Variants in PTGR1 observed in about 807,000 individuals in gnomAD.
PTGR1 encodes the protein prostaglandin reductase 1.
Under a neutral mutation model 37.7 loss-of-function variants are expected in PTGR1, and 23 were observed. The ratio of observed to expected loss-of-function variants is 0.61; its 90% CI spans 0.44 to 0.86. The LOEUF (loss-of-function observed/expected upper bound fraction) is 0.86, where lower values mean the gene tolerates loss of function less well. PTGR1 is among the 40% of genes least tolerant of loss of function. The pLI, the probability that PTGR1 is intolerant of heterozygous loss-of-function variation, is 0.00. For synonymous variants in PTGR1, 134 were observed against 140.0 expected, an observed-to-expected ratio of 0.96 and a Z score of 0.30; for missense variants, 351 against 394.3, an observed-to-expected ratio of 0.89 and a Z score of 0.93.
At chr9:111,585,105 C>A (rs186359971) in intron 5 of PTGR1, among the ~76,000 whole-genome samples, 84 of 152,134 alleles carry the variant, frequency 5.5e-4, no homozygotes, top group African/African-American at 2.0e-3. Context: ...CAGCCTCTGA[C>A]TATATTTGGG....
intron 4 of PTGR1, among the ~76,000 whole-genome samples, chr9:111,590,601 C>G (rs1255945162): frequency 6.6e-6 from 1 of 152,200 alleles, no homozygotes; most frequent in Non-Finnish European, 1.5e-5. Flanking sequence ...TCAAGTGATC[C>G]TCCTGCTTCA....
In PTGR1 at chr9:111,583,648, T is replaced by TTA. The variant is rs1485666089; in HGVS notation, c.378-61_378-60dup. The TTA allele has an allele frequency of 7.3e-6, 10 of 1,372,160 alleles. No homozygotes were observed. The East Asian group carries it at 2.1e-4, about 28-fold the overall frequency. 85.0% of individuals were successfully genotyped at this position (1,372,160 alleles called of 1,614,324 possible). On this transcript the variant is annotated intron_variant, in intron 5 of 9. Coordinates refer to ENST00000407693, the MANE Select transcript of PTGR1 (RefSeq NM_001146108.2). ...GTTGTTTCTTTCCTCTATAACTCAT[T>TTA]TATATATATCTTGAAAGCCTTCTCA...
At position 111,570,096 on chromosome 9, in the gene PTGR1, A is replaced by C; in HGVS notation, c.874T>G (p.Leu292Val). The change falls in exon 9 of 10, where the codon TTA becomes GTA. Residue 292 changes from leucine (L) to valine (V), a missense_variant. By Grantham distance (32) the Leu-to-Val change is conservative. Coordinates refer to ENST00000407693, the MANE Select transcript of PTGR1 (RefSeq NM_001146108.2). ...GTGGCTCCGGAGCTCCTTACCTCTA[A>C]GACCCATTTCAGCAAGTCCTTCAGA... ...KALKDLLKWV[L>V]EGKIQYKEYI... 6.2e-7 allele frequency: 1 copy of C among 1,614,132 alleles called. No individual in the cohort carries two copies. Among genetic ancestry groups the C allele is most frequent in the Non-Finnish European group, 8.5e-7 (1 of 1,180,016 alleles).
At chr9:111,571,090 AT>A (rs1828800322) in intron 8 of PTGR1, among the ~76,000 whole-genome samples, 1 of 133,520 alleles carries the variant, frequency 7.5e-6, no homozygotes, top group Non-Finnish European at 1.7e-5. Flanking sequence ...CTGCCAACCC[AT>A]TTTACTTTTA....
At chr9:111,582,954 T>C (rs1393792347) in intron 6 of PTGR1, among the ~76,000 whole-genome samples, 2 of 152,250 alleles carry the variant, frequency 1.3e-5, no homozygotes, top group African/African-American at 4.8e-5. Flanking sequence ...CACCATCAGA[T>C]TGGATCCCTT....
intron 2 of PTGR1, among the ~76,000 whole-genome samples, chr9:111,595,960 C>T (rs555874409): frequency 8.5e-5 from 13 of 152,250 alleles, no homozygotes; most frequent in South Asian, 8.3e-4. Flanking sequence ...CTGAACTCTT[C>T]GTATAGCTAC....
intron 5 of PTGR1, among the ~76,000 whole-genome samples, chr9:111,583,908 G>C (rs1564619356): frequency 6.6e-6 from 1 of 152,190 alleles, no homozygotes; most frequent in Non-Finnish European, 1.5e-5. Context: ...AGAAGAGAGA[G>C]CTGTGCCTCA....
intron 9 of PTGR1, among the ~76,000 whole-genome samples, chr9:111,564,998 C>T (rs563146290): frequency 6.6e-6 from 1 of 151,954 alleles, no homozygotes; most frequent in African/African-American, 2.4e-5. Context: ...GTGGCGTGTA[C>T]CTGTAATCCC....
At chr9:111,587,469 T>A (rs1829471605) in intron 4 of PTGR1, among the ~76,000 whole-genome samples, 1 of 152,206 alleles carries the variant, frequency 6.6e-6, no homozygotes, top group Non-Finnish European at 1.5e-5. Context: ...TTATTTATTT[T>A]TTGAAACAGA....
intron 8 of PTGR1, among the ~76,000 whole-genome samples, chr9:111,573,731 A>G (rs1330104201): frequency 6.6e-6 from 1 of 152,128 alleles, no homozygotes; most frequent in Non-Finnish European, 1.5e-5. Context: ...CCTCTTGGCC[A>G]TTCCTCTCCA....
rs183452797 is a variant in PTGR1 at position 111,570,498 on chromosome 9, C to T, written c.761-289G>A. On this transcript the variant is annotated intron_variant, in intron 8 of 9. Transcript: ENST00000407693. The stretch of plus-strand genomic sequence containing the variant: ...ATGATTAAGAAGTTTGGGGGTGGCG[C>T]GGTGGCTCACACCTGTAATCCCAGC... 5.5e-3 allele frequency among the ~76,000 whole-genome samples: 837 copies of T among 152,072 alleles called. 13 individuals carry two copies. The highest frequency in any genetic ancestry group is 0.019 in the African/African-American group (803 of 41,498).
intron 8 of PTGR1, among the ~76,000 whole-genome samples, chr9:111,571,420 AAG>A (rs1236821696): frequency 6.7e-6 from 1 of 149,612 alleles, no homozygotes; most frequent in East Asian, 2.1e-4. Flanking sequence ...AAAAGAAAAA[AAG>A]AAGTAAACAA....
chr9:111,570,153 AGAC>A lies in PTGR1; in HGVS notation c.814_816del (p.Val272del), dbSNP rs1211675991. Reference sequence around the variant, plus strand: ...TGGCGGGCATCTCCTTGCCAGCGGTAGACGACAAAAGCTTCCATGCGAAGCTCC... The same window carrying A: ...TGGCGGGCATCTCCTTGCCAGCGGTAGACAAAAGCTTCCATGCGAAGCTCC... On this transcript the variant is annotated inframe_deletion, in exon 9 of 10. Transcript: ENST00000407693. The A allele has an allele frequency of 6.2e-7, 1 of 1,614,132 alleles. No homozygotes were observed.
At chr9:111,592,550 C>G (rs1829651904) in intron 4 of PTGR1, 1 of 169,310 alleles carries the variant, frequency 5.9e-6, no homozygotes, top group Admixed American at 5.9e-5. Flanking sequence ...CCCCTGGACC[C>G]AGCTTTCACT....
At chr9:111,591,813 C>T (rs77133743) in intron 4 of PTGR1, among the ~76,000 whole-genome samples, 4,506 of 152,150 alleles carry the variant, frequency 0.03, 179 homozygotes, top group East Asian at 0.14. Context: ...ACTATTGCTA[C>T]GGAATAAAAG....
At chr9:111,567,402 G>T (rs1377348826) in intron 9 of PTGR1, among the ~76,000 whole-genome samples, 2 of 152,100 alleles carry the variant, frequency 1.3e-5, no homozygotes, top group African/African-American at 2.4e-5. Flanking sequence ...TGGTCAGATG[G>T]TCTCGATCTC....
At chr9:111,599,277 TC>T in intron 1 of PTGR1, 1 of 151,698 alleles carries the variant, frequency 6.6e-6, no homozygotes, top group Non-Finnish European at 1.5e-5. Context: ...TCTTCTACCC[TC>T]CCCCAGTTGT....
intron 1 of PTGR1, among the ~76,000 whole-genome samples, chr9:111,598,008 T>TAAA (rs969040160): frequency 6.9e-6 from 1 of 145,046 alleles, no homozygotes; most frequent in Admixed American, 6.9e-5. Flanking sequence ...TTTTTTTTTT[T>TAAA]AAATACTTTT....
intron 4 of PTGR1, among the ~76,000 whole-genome samples, chr9:111,588,530 A>G (rs1279759051): frequency 5.9e-5 from 7 of 119,632 alleles, no homozygotes; most frequent in Non-Finnish European, 8.8e-5. Flanking sequence ...TGCCTGGCCA[A>G]TTTTTTTTTT....
Sources: gnomAD v4.1 joint callset for allele counts (sites outside exome capture counted in the v4.1 genomes callset) on GRCh38, gnomAD v4.1.1 for gene constraint, MANE v1.5 for transcripts, NCBI Gene and HGNC (gene_info 2026-07-23, HGNC 2026-07-21) for gene names.